Variants in OR9G4 observed in about 807,000 individuals in gnomAD.
OR9G4 encodes olfactory receptor family 9 subfamily G member 4, also known as olfactory receptor 9G4.
A neutral mutation model predicts 16.7 loss-of-function variants in OR9G4; 19 were observed. The observed-to-expected ratio is 1.14, with a 90% CI of 0.79 to 1.67. The LOEUF (loss-of-function observed/expected upper bound fraction) is 1.67. OR9G4 is among the 40% of genes most tolerant of loss of function. OR9G4 has a pLI of 0.00. For missense variants in OR9G4, 428 were observed against 370.4 expected, an observed-to-expected ratio of 1.16 and a Z score of -1.28; for synonymous variants, 182 against 146.2, an observed-to-expected ratio of 1.24 and a Z score of -1.76.
At chr11:56,748,327 G>A (rs1439969252) in intron 1 of OR9G4, among the ~76,000 whole-genome samples, 2 of 152,178 alleles carry the variant, frequency 1.3e-5, no homozygotes, top group East Asian at 3.9e-4. Context: ...AAGTGAAAAT[G>A]CCATACACTA....
chr11:56,743,205 A>T lies in OR9G4; in HGVS notation c.562T>A (p.Ser188Thr). Reference protein sequence around the residue: ...FCDAPPLVKMSCTNTRVYEKV... With the variant: ...FCDAPPLVKMTCTNTRVYEKV... ...TCGTAGACCCTGGTGTTTGTACAGG[A>T]CATTTTTACCAATGGTGGTGCATCA... The change falls in exon 2 of 2, where the codon TCC becomes ACC. Residue 188 changes from serine (S) to threonine (T), a missense_variant. Coordinates refer to ENST00000641668, the MANE Select transcript of OR9G4 (RefSeq NM_001005284.2). 1 of 1,614,146 alleles carries T rather than the reference A, an allele frequency of 6.2e-7. No homozygotes were observed. The highest frequency in any genetic ancestry group is 1.3e-5 in the African/African-American group (1 of 75,028).
intron 1 of OR9G4, 121 bp from the exon 2 acceptor site, chr11:56,743,909 AT>A: frequency 9.0e-7 from 1 of 1,105,772 alleles, no homozygotes; most frequent in Non-Finnish European, 1.3e-6. Flanking sequence ...ACTATCTAGA[AT>A]TATAGGACTT....
intron 1 of OR9G4, among the ~76,000 whole-genome samples, chr11:56,747,531 A>G (rs1423075024): frequency 5.3e-5 from 8 of 152,154 alleles, no homozygotes; most frequent in Admixed American, 2.0e-4. Flanking sequence ...ATACAGCAAA[A>G]TATTTCTCTG....
intron 1 of OR9G4, chr11:56,744,088 G>A (rs1416843707): frequency 2.9e-6 from 1 of 341,472 alleles, no homozygotes; most frequent in Non-Finnish European, 5.2e-6. Context: ...TTTTTTTTGA[G>A]ATGGAATCTC....
rs1858318026 is a variant in OR9G4, at chr11:56,742,526, T to C, written c.*302A>G. The C allele has an allele frequency of 3.7e-6, 1 of 272,284 alleles. No homozygotes were observed. Among genetic ancestry groups the C allele is most frequent in the Non-Finnish European group, 6.9e-6 (1 of 145,216 alleles). 16.9% of individuals were successfully genotyped at this position (272,284 alleles called of 1,614,324 possible). On this transcript the variant is annotated 3_prime_UTR_variant, in exon 2 of 2. Coordinates refer to ENST00000641668, the MANE Select transcript of OR9G4 (RefSeq NM_001005284.2). The stretch of plus-strand genomic sequence containing the variant: ...AAACTATATTCATTAACCCACGTAA[T>C]TTATTTTGTTCCCCAAGATCTCCCA...
At chr11:56,745,451 A>G in intron 1 of OR9G4, among the ~76,000 whole-genome samples, 1 of 152,094 alleles carries the variant, frequency 6.6e-6, no homozygotes, top group South Asian at 2.1e-4. Context: ...TCAGCACCAA[A>G]CTTCCATGAT....
At position 56,743,327 on chromosome 11, in the gene OR9G4, C is replaced by G. The variant is rs1342993468; in HGVS notation, c.440G>C (p.Gly147Ala). The G allele has an allele frequency of 5.6e-6, 9 of 1,614,106 alleles. No individual in the cohort carries two copies. Among genetic ancestry groups the G allele is most frequent in the Non-Finnish European group, 7.6e-6 (9 of 1,180,030 alleles). ...STALCTGLVAGSYIGGFLNAI... is the reference protein window; with the variant it reads ...STALCTGLVAASYIGGFLNAI... Reference sequence around the variant, plus strand: ...ATTCAAAAATCCTCCTATGTAGGAGCCAGCAACAAGCCCAGTACAGAGGGC... The same window carrying G: ...ATTCAAAAATCCTCCTATGTAGGAGGCAGCAACAAGCCCAGTACAGAGGGC... Residue 147 changes from glycine to alanine, a missense_variant, in exon 2 of 2, where the codon GGC becomes GCC. Physicochemically the swap from Gly to Ala is moderately conservative, Grantham distance 60. Transcript: ENST00000641668.
In OR9G4 at chr11:56,743,478, A is replaced by G. The variant is rs1565064927; in HGVS notation, c.289T>C (p.Cys97Arg). Reference protein sequence around the residue: ...SEDKRISLAGCGAQLFFSCVV... With the variant: ...SEDKRISLAGRGAQLFFSCVV... Reference sequence around the variant, plus strand: ...CAGGAAAAAAACAGCTGAGCCCCACATCCAGCCAAGGAAATGCGCTTATCT... The same window carrying G: ...CAGGAAAAAAACAGCTGAGCCCCACGTCCAGCCAAGGAAATGCGCTTATCT... The change falls in exon 2 of 2, where the codon TGT becomes CGT. Residue 97 changes from cysteine (C) to arginine (R), a missense_variant. Cys to Arg is a radical substitution (Grantham distance 180). Transcript: ENST00000641668. The G allele has an allele frequency of 6.2e-7, 1 of 1,614,180 alleles. No homozygotes were observed. The highest frequency in any genetic ancestry group is 1.1e-5 in the South Asian group (1 of 91,088).
In OR9G4 at chr11:56,742,909, G is replaced by A; in HGVS notation, c.858C>T (p.Asn286=). 4 of 1,614,060 alleles carry A rather than the reference G, an allele frequency of 2.5e-6. No homozygotes were observed. The highest frequency in any genetic ancestry group is 3.4e-6 in the Non-Finnish European group (4 of 1,179,918). The change falls in exon 2 of 2, where the codon AAC becomes AAT. Residue 286 remains asparagine (N), a synonymous_variant. Transcript: ENST00000641668. ...TGTTTCTCAGGCTATAGATGAGAGG[G>A]TTGAGCAGTGGGTTGATCACGGTGT... is the stretch of plus-strand genomic sequence containing the variant. ...LFYTVINPLL[N]PLIYSLRNKD...
intron 1 of OR9G4, among the ~76,000 whole-genome samples, chr11:56,746,725 G>T (rs994631514): frequency 6.6e-6 from 1 of 152,064 alleles, no homozygotes; most frequent in African/African-American, 2.4e-5. Flanking sequence ...ACTCTTCCAG[G>T]ATCTGAAGTC....
chr11:56,742,550 C>G lies in OR9G4; in HGVS notation c.*278G>C. 2 of 353,632 alleles carry G rather than the reference C, an allele frequency of 5.7e-6. No homozygotes were observed. The highest frequency in any genetic ancestry group is 1.0e-5 in the Non-Finnish European group (2 of 196,262). 21.9% of individuals were successfully genotyped at this position (353,632 alleles called of 1,614,324 possible). On this transcript the variant is annotated 3_prime_UTR_variant, in exon 2 of 2. Coordinates refer to ENST00000641668, the MANE Select transcript of OR9G4 (RefSeq NM_001005284.2). The stretch of plus-strand genomic sequence containing the variant: ...ATTTATTTTGTTCCCCAAGATCTCC[C>G]AAAGGGAGCAAACACAATGAAATCT...
At position 56,743,639 on chromosome 11, in the gene OR9G4, A is replaced by G. The variant is rs765533466; in HGVS notation, c.128T>C (p.Met43Thr). The G allele has an allele frequency of 1.4e-5, 22 of 1,613,876 alleles. No individual in the cohort carries two copies. Among genetic ancestry groups the G allele is most frequent in the South Asian group, 5.5e-5 (5 of 91,078 alleles). The change falls in exon 2 of 2, where the codon ATG (methionine) becomes ACG (threonine). Residue 43 changes from methionine to threonine, a missense_variant. Met to Thr is a moderately conservative substitution (Grantham distance 81, BLOSUM62 -1). Transcript: ENST00000641668. ...AGTTCGGATTAAGATAACCAAGGTC[A>G]TGTTTCCTGACAAGGTTATCAAATA... is the stretch of plus-strand genomic sequence containing the variant. ...MLYLITLSGN[M>T]TLVILIRTDS... is the part of the protein sequence containing the mutation.
In OR9G4 at chr11:56,742,907, G is replaced by A. The variant is rs1402055835; in HGVS notation, c.860C>T (p.Pro287Leu). The A allele has an allele frequency of 2.5e-6, 4 of 1,613,948 alleles. No homozygotes were observed. In the East Asian group the frequency reaches 6.7e-5, roughly 27 times the overall value. The change falls in exon 2 of 2, where the codon CCT (proline) becomes CTT (leucine). Residue 287 changes from proline (P) to leucine (L), a missense_variant. Physicochemically the swap from Pro to Leu is moderately conservative, Grantham distance 98 (BLOSUM62 -3). Transcript: ENST00000641668. Reference sequence around the variant, plus strand: ...TTTGTTTCTCAGGCTATAGATGAGAGGGTTGAGCAGTGGGTTGATCACGGT... The same window carrying A: ...TTTGTTTCTCAGGCTATAGATGAGAAGGTTGAGCAGTGGGTTGATCACGGT... ...FYTVINPLLNPLIYSLRNKDI... is the reference protein window; with the variant it reads ...FYTVINPLLNLLIYSLRNKDI...
chr11:56,746,020 G>A (rs946883507), intron 1 of OR9G4, among the ~76,000 whole-genome samples: 3 of 151,922 alleles, frequency 2.0e-5, no homozygotes, highest in East Asian at 1.9e-4. Context: ...TGGGCCGGGC[G>A]CGGTGGCTCA....
chr11:56,743,482 A>G lies in OR9G4; in HGVS notation c.285T>C (p.Ala95=), dbSNP rs760743452. The G allele has an allele frequency of 6.2e-7, 1 of 1,614,218 alleles. No individual in the cohort carries two copies. Among genetic ancestry groups the G allele is most frequent in the Non-Finnish European group, 8.5e-7 (1 of 1,180,030 alleles). Residue 95 remains alanine (A), a synonymous_variant, in exon 2 of 2, where the codon GCT becomes GCC. Coordinates refer to ENST00000641668, the MANE Select transcript of OR9G4 (RefSeq NM_001005284.2). ...AAAAAAACAGCTGAGCCCCACATCC[A>G]GCCAAGGAAATGCGCTTATCTTCTG... ...CVSEDKRISL[A]GCGAQLFFSC...
intron 1 of OR9G4, 133 bp from the exon 2 acceptor site, chr11:56,743,921 C>T (rs756627582): frequency 2.9e-6 from 3 of 1,017,752 alleles, no homozygotes; most frequent in Non-Finnish European, 4.3e-6. Flanking sequence ...TATAGGACTT[C>T]AGTCCATGAT....
At position 56,744,034 on chromosome 11, in the gene OR9G4, G is replaced by GA. The variant is rs960898282; in HGVS notation, c.-22-247dup. ...CAAGACCCATATTCTCATCAAACAT[G>GA]AAAAAAAAATGAAACTCACAAGGAT... On this transcript the variant is annotated intron_variant, in intron 1 of 1. Coordinates refer to ENST00000641668, the MANE Select transcript of OR9G4 (RefSeq NM_001005284.2). The GA allele has an allele frequency of 4.8e-3, 1,964 of 412,320 alleles. 3 individuals carry two copies. Among genetic ancestry groups the GA allele is most frequent in the Middle Eastern group, 6.4e-3 (10 of 1,566 alleles). The allele number at this position is 412,320 out of a possible 1,614,324, so 25.5% of individuals were successfully genotyped here.
Position 56,742,655 on chromosome 11 carries a change from AC to A in OR9G4, c.*172del, listed in dbSNP as rs1354474975. The A allele has an allele frequency of 3.3e-6, 2 of 613,002 alleles. No individual in the cohort carries two copies. Among genetic ancestry groups the A allele is most frequent in the Non-Finnish European group, 5.6e-6 (2 of 354,494 alleles). The allele number at this position is 613,002 out of a possible 1,614,324, so 38.0% of individuals were successfully genotyped here. ...CCCAATATTATAAGTTTTAAATATTACTTTGTTTTGTTTACATCATAACAAA... is the reference window on the plus strand; with the variant it reads ...CCCAATATTATAAGTTTTAAATATTATTTGTTTTGTTTACATCATAACAAA... On this transcript the variant is annotated 3_prime_UTR_variant, in exon 2 of 2. Transcript: ENST00000641668.
intron 1 of OR9G4, among the ~76,000 whole-genome samples, chr11:56,747,345 ATG>A (rs1296224596): frequency 6.6e-6 from 1 of 152,100 alleles, no homozygotes; most frequent in Non-Finnish European, 1.5e-5. Flanking sequence ...ACAAAGGTGA[ATG>A]TGACATTTTA....
Sources: allele counts gnomAD v4.1 joint callset (sites outside exome capture counted in the v4.1 genomes callset), GRCh38; gene constraint gnomAD v4.1.1; transcripts MANE v1.5; gene names NCBI Gene and HGNC (gene_info 2026-07-23, HGNC 2026-07-21).